Variants in NR2F1 observed in about 807,000 individuals in gnomAD.
The protein encoded by NR2F1 is COUP transcription factor 1.
A neutral mutation model predicts 37.7 loss-of-function variants in NR2F1; 1 was observed. The observed-to-expected ratio is 0.03, with a 90% CI of 0.01 to 0.13. The LOEUF (loss-of-function observed/expected upper bound fraction) is 0.13, where lower values mean the gene tolerates loss of function less well. Among genes scored for constraint, NR2F1 ranks in the 10% least tolerant of loss-of-function variants. The probability of loss-of-function intolerance (pLI) is 1.00; values close to 1 mark genes in which losing one functional copy is unlikely to be tolerated. For missense variants in NR2F1, 268 were observed against 578.4 expected, an observed-to-expected ratio of 0.46 and a Z score of 5.50; for synonymous variants, 275 against 259.6, an observed-to-expected ratio of 1.06 and a Z score of -0.57.
chr5:93,586,675 C>A (rs960947955), intron 1 of NR2F1, among the ~76,000 whole-genome samples: 2 of 150,960 alleles, frequency 1.3e-5, no homozygotes, highest in South Asian at 2.1e-4. Flanking sequence ...AAGGAGCAGA[C>A]AAATATGACT....
chr5:93,587,206 A>T (rs1469129635), intron 1 of NR2F1: 1 of 152,198 alleles, frequency 6.6e-6, no homozygotes, highest in Admixed American at 6.5e-5. Flanking sequence ...ACAGACATTA[A>T]TTATATTTCC....
At chr5:93,585,551 C>A in intron 1 of NR2F1, 65 bp downstream of exon 1, 1 of 1,370,090 alleles carries the variant, frequency 7.3e-7, no homozygotes, top group Non-Finnish European at 1.0e-6. Flanking sequence ...TTCTTTCTTT[C>A]TCGCCCGGGT....
Position 93,585,326 on chromosome 5 carries a change from C to T in NR2F1, c.303C>T (p.Phe101=), listed in dbSNP as rs369615420. Residue 101 remains phenylalanine (F), a synonymous_variant, in exon 1 of 3, where the codon TTC becomes TTT. Coordinates refer to ENST00000327111, the MANE Select transcript of NR2F1 (RefSeq NM_005654.6). ...DKSSGKHYGQ[F]TCEGCKSFFK... is the part of the protein sequence containing the mutation. ...CGAGCGGCAAGCACTACGGCCAATT[C>T]ACCTGCGAGGGCTGCAAAAGTTTCT... 2 of 1,613,250 alleles carry T rather than the reference C, an allele frequency of 1.2e-6. No homozygotes were observed. Among genetic ancestry groups the T allele is most frequent in the South Asian group, 1.1e-5 (1 of 90,928 alleles).
At position 93,590,733 on chromosome 5, in the gene NR2F1, T is replaced by C. The variant is rs577542951; in HGVS notation, c.991+2289T>C. Among the ~76,000 whole-genome samples the C allele has an allele frequency of 3.7e-4, 56 of 152,318 alleles. No individual in the cohort carries two copies. The South Asian group carries it at 0.011, about 30-fold the overall frequency. ...AAACTTTGAATGATGGAAAAGACAG[T>C]TTTAGACATATTGTCCAATGTGGTT... On this transcript the variant is annotated intron_variant, in intron 2 of 2. Transcript: ENST00000327111.
In NR2F1 at chr5:93,584,358, C is replaced by G. The variant is rs1048789551; in HGVS notation, c.-666C>G. 1.3e-5 allele frequency: 2 copies of G among 149,718 alleles called. No homozygotes were observed. Among genetic ancestry groups the G allele is most frequent in the African/African-American group, 2.4e-5 (1 of 41,096 alleles). 9.3% of individuals were successfully genotyped at this position (149,718 alleles called of 1,614,324 possible). ...CCGCCTCCGCCCTCGCCGGCTTCCT[C>G]TATGTCGGCTCAGCCCGCGCGCTGC... On this transcript the variant is annotated 5_prime_UTR_variant, in exon 1 of 3. Transcript: ENST00000327111.
chr5:93,587,647 A>C, intron 1 of NR2F1: 1 of 439,760 alleles, frequency 2.3e-6, no homozygotes, highest in Non-Finnish European at 4.0e-6. Flanking sequence ...TGACCTTGCC[A>C]GGGTTGGGGC....
intron 1 of NR2F1, 186 bp downstream of exon 1, chr5:93,585,672 C>A (rs1580358831): frequency 1.7e-6 from 1 of 589,314 alleles, no homozygotes; most frequent in East Asian, 2.8e-5. Flanking sequence ...CTCGCTGCCG[C>A]TGCCTCCCCC....
chr5:93,587,293 A>G (rs2149942608), intron 1 of NR2F1: 1 of 152,274 alleles, frequency 6.6e-6, no homozygotes, highest in Non-Finnish European at 1.5e-5. Context: ...GTTGCTTTTA[A>G]TAGTGAGAAC....
chr5:93,585,797 T>A, intron 1 of NR2F1: 1 of 411,930 alleles, frequency 2.4e-6, no homozygotes, highest in South Asian at 2.7e-5. Context: ...CTGTCTTGGA[T>A]GTGCTCGGTG....
At position 93,593,973 on chromosome 5, in the gene NR2F1, C is replaced by G. The variant is rs1034705606; in HGVS notation, c.*131C>G. On this transcript the variant is annotated 3_prime_UTR_variant, in exon 3 of 3. Coordinates refer to ENST00000327111, the MANE Select transcript of NR2F1 (RefSeq NM_005654.6). This position sits in a 1 kb window ranked among gnomAD's most constrained non-coding sequence, Gnocchi z 5.6. Reference sequence around the variant, plus strand: ...CAGGCTGGGTGGGAGGGAGGAGGGCCGAGACAGGAGCAGCCCACCCAGCAG... The same window carrying G: ...CAGGCTGGGTGGGAGGGAGGAGGGCGGAGACAGGAGCAGCCCACCCAGCAG... The G allele has an allele frequency of 1.0e-5, 8 of 790,242 alleles. No individual in the cohort carries two copies. Among genetic ancestry groups the G allele is most frequent in the Non-Finnish European group, 1.4e-5 (7 of 497,858 alleles). The allele number at this position is 790,242 out of a possible 1,614,324, so 49.0% of individuals were successfully genotyped here.
At chr5:93,589,717 A>G (rs903059025) in intron 2 of NR2F1, among the ~76,000 whole-genome samples, 2 of 152,260 alleles carry the variant, frequency 1.3e-5, no homozygotes, top group Non-Finnish European at 2.9e-5. Context: ...TAATCTATCA[A>G]TATTTCTTGG....
chr5:93,590,265 G>A (rs1188435809), intron 2 of NR2F1, among the ~76,000 whole-genome samples: 4 of 152,114 alleles, frequency 2.6e-5, no homozygotes, highest in African/African-American at 7.2e-5. Context: ...CTGGACAGAC[G>A]TTTTCTCAGG....
chr5:93,587,787 C>G, intron 1 of NR2F1, 130 bp from the exon 2 acceptor site: 1 of 950,298 alleles, frequency 1.1e-6, no homozygotes, highest in Non-Finnish European at 1.6e-6. Context: ...GAGAGCGAGC[C>G]GGAGAAGATG....
intron 1 of NR2F1, 104 bp from the exon 2 acceptor site, chr5:93,587,813 G>A (rs1753258350): frequency 1.6e-6 from 2 of 1,247,324 alleles, no homozygotes; most frequent in Non-Finnish European, 1.1e-6. Flanking sequence ...GGCGCGTGTG[G>A]CTGCGGGAAG....
In NR2F1 at chr5:93,593,952, C is replaced by A; in HGVS notation, c.*110C>A. 3 of 1,112,146 alleles carry A rather than the reference C, an allele frequency of 2.7e-6. No homozygotes were observed. The highest frequency in any genetic ancestry group is 2.4e-5 in the East Asian group (1 of 41,546). The allele number at this position is 1,112,146 out of a possible 1,614,324, so 68.9% of individuals were successfully genotyped here. ...CGGGAAGTGCAGCGGGCCAGGCAGG[C>A]TGGGTGGGAGGGAGGAGGGCCGAGA... On this transcript the variant is annotated 3_prime_UTR_variant, in exon 3 of 3. Transcript: ENST00000327111. This position sits in a 1 kb window ranked among gnomAD's most constrained non-coding sequence, Gnocchi z 5.6.
chr5:93,586,718 G>C (rs1161356320), intron 1 of NR2F1, among the ~76,000 whole-genome samples: 1 of 150,948 alleles, frequency 6.6e-6, no homozygotes, highest in East Asian at 1.9e-4. Flanking sequence ...GATTTTGTAG[G>C]CATCTGAAAA....
chr5:93,590,762 T>C lies in NR2F1; in HGVS notation c.991+2318T>C, dbSNP rs568046744. Among the ~76,000 whole-genome samples the C allele has an allele frequency of 2.6e-5, 4 of 152,356 alleles. No homozygotes were observed. The South Asian group carries it at 8.3e-4, about 32-fold the overall frequency. On this transcript the variant is annotated intron_variant, in intron 2 of 2. Transcript: ENST00000327111. The stretch of plus-strand genomic sequence containing the variant: ...AGACATATTGTCCAATGTGGTTTGC[T>C]TTGGCTAAGTATTTGAAGCTGGCAC...
Position 93,585,103 on chromosome 5 carries a change from C to G in NR2F1, c.80C>G (p.Ala27Gly). ...GGNPGGPNPA[A>G]QAARGGGGGA... ...AACCCCGGCGGCCCCAACCCCGCAG[C>G]GCAGGCGGCCCGCGGCGGCGGCGGC... is the stretch of plus-strand genomic sequence containing the variant. Residue 27 changes from alanine (A) to glycine (G), a missense_variant, in exon 1 of 3, where the codon GCG becomes GGG. Transcript: ENST00000327111. 3 of 992,638 alleles carry G rather than the reference C, an allele frequency of 3.0e-6. No individual in the cohort carries two copies. Among genetic ancestry groups the G allele is most frequent in the Non-Finnish European group, 1.2e-6 (1 of 838,098 alleles). 61.5% of individuals were successfully genotyped at this position (992,638 alleles called of 1,614,324 possible).
At position 93,585,452 on chromosome 5, in the gene NR2F1, C is replaced by A; in HGVS notation, c.429C>A (p.Leu143=). The A allele has an allele frequency of 6.2e-7, 1 of 1,613,912 alleles. No individual in the cohort carries two copies. The highest frequency in any genetic ancestry group is 8.5e-7 in the Non-Finnish European group (1 of 1,179,838). ...GCAACCAGTGCCAATACTGCCGCCT[C>A]AAGAAGTGCCTCAAAGTGGGCATGA... ...HHRNQCQYCR[L]KKCLKVGMRR... The change falls in exon 1 of 3, where the codon CTC becomes CTA. Residue 143 remains leucine, a synonymous_variant. Transcript: ENST00000327111.
Sources: allele counts gnomAD v4.1 joint callset (sites outside exome capture counted in the v4.1 genomes callset), GRCh38; gene constraint gnomAD v4.1.1; non-coding constraint Gnocchi (gnomAD v3.1); transcripts MANE v1.5; gene names NCBI Gene and HGNC (gene_info 2026-07-23, HGNC 2026-07-21).